ITPR2: variants seen among roughly 807,000 people sequenced by gnomAD.
ITPR2 encodes inositol 1,4,5-trisphosphate receptor type 2.
Under a neutral mutation model 317.1 loss-of-function variants are expected in ITPR2, and 207 were observed. The observed-to-expected ratio is 0.65, with a 90% CI of 0.58 to 0.73. The LOEUF (loss-of-function observed/expected upper bound fraction) is 0.73. ITPR2 is among the 30% of genes least tolerant of loss of function. The probability of loss-of-function intolerance (pLI) is 0.00; values close to 1 mark genes in which losing one functional copy is unlikely to be tolerated. For missense variants in ITPR2, 2,613 were observed against 3,284.0 expected (o/e 0.80, Z 4.99); for synonymous variants, 1,156 against 1,149.1 (o/e 1.01, Z -0.12).
At chr12:26,771,513 T>C (rs1471860858) in intron 2 of ITPR2, among the ~76,000 whole-genome samples, 2 of 152,138 alleles carry the variant, frequency 1.3e-5, no homozygotes, top group Non-Finnish European at 2.9e-5. Context: ...TTATTATTAT[T>C]GTTTTTGTTT....
chr12:26,728,711 T>G (rs968064646), intron 2 of ITPR2, among the ~76,000 whole-genome samples: 1 of 152,214 alleles, frequency 6.6e-6, no homozygotes, highest in Admixed American at 6.5e-5. Flanking sequence ...ATAAAAGTGC[T>G]AATACCTGCC....
chr12:26,579,899 T>A, intron 33 of ITPR2, 128 bp downstream of exon 33: 1 of 629,898 alleles, frequency 1.6e-6, no homozygotes, highest in Non-Finnish European at 2.6e-6. Context: ...AGAGGCATAA[T>A]AGTAAATAAT....
chr12:26,442,207 C>A (rs949614874), intron 46 of ITPR2, among the ~76,000 whole-genome samples: 1 of 152,134 alleles, frequency 6.6e-6, no homozygotes, highest in Admixed American at 6.6e-5. Context: ...AGGAGAAACT[C>A]GTACTCAATC....
At chr12:26,439,475 C>A (rs1259160393) in intron 46 of ITPR2, among the ~76,000 whole-genome samples, 156 bp from the exon 47 acceptor site, 1 of 152,154 alleles carries the variant, frequency 6.6e-6, no homozygotes, top group South Asian at 2.1e-4. Context: ...TTTTACTATA[C>A]TACTTTGTAT....
chr12:26,715,252 T>C lies in ITPR2; in HGVS notation c.855+47A>G, dbSNP rs1173501087. 9 of 1,490,526 alleles carry C rather than the reference T, an allele frequency of 6.0e-6. No homozygotes were observed. In the South Asian group the frequency reaches 1.1e-4, roughly 18 times the overall value. 92.3% of individuals were successfully genotyped at this position (1,490,526 alleles called of 1,614,324 possible). A position where few individuals can be genotyped will look rare whatever the true frequency, so the allele number is the denominator to read the frequency against. ...AAAACAACAAGCCCAGTGAATCTTC[T>C]CTTTTTGATCTAAATATTTATTAAG... On this transcript the variant is annotated intron_variant, in intron 8 of 56. Coordinates refer to ENST00000381340, the MANE Select transcript of ITPR2 (RefSeq NM_002223.4).
At chr12:26,558,377 A>C (rs1000061103) in intron 35 of ITPR2, among the ~76,000 whole-genome samples, 1 of 152,204 alleles carries the variant, frequency 6.6e-6, no homozygotes, top group African/African-American at 2.4e-5. Context: ...TGATACTAAC[A>C]ATCACGTGAG....
intron 55 of ITPR2, among the ~76,000 whole-genome samples, chr12:26,342,497 TGG>T (rs57105007): frequency 0.017 from 63 of 3,760 alleles, 1 homozygote; most frequent in African/African-American, 0.046. Flanking sequence ...GTCACGGCGG[TGG>T]GGGGGGGGGG....
rs770546447 is a variant in ITPR2 at position 26,621,128 on chromosome 12, T to C, written c.3457A>G (p.Ile1153Val). Reference protein sequence around the residue: ...ESQVKGGEEPIEESNILSPVQ... With the variant: ...ESQVKGGEEPVEESNILSPVQ... ...AAATAGATCTTGAAACGAACCTCAA[T>C]TGGCTCTTCACCACCTTTCACTTGA... The change falls in exon 26 of 57, where the codon ATT becomes GTT. Residue 1153 changes from isoleucine to valine, a missense_variant. Coordinates refer to ENST00000381340, the MANE Select transcript of ITPR2 (RefSeq NM_002223.4). The C allele has an allele frequency of 3.7e-6, 6 of 1,612,440 alleles. No homozygotes were observed. The highest frequency in any genetic ancestry group is 2.2e-5 in the East Asian group (1 of 44,822).
At chr12:26,465,078 G>A (rs376123639) in intron 45 of ITPR2, among the ~76,000 whole-genome samples, 3 of 152,334 alleles carry the variant, frequency 2.0e-5, no homozygotes, top group South Asian at 4.1e-4. Context: ...AAAGTCATGT[G>A]ACTAAGTGAC....
chr12:26,445,417 T>C (rs1325736737), intron 45 of ITPR2, among the ~76,000 whole-genome samples: 7 of 152,026 alleles, frequency 4.6e-5, no homozygotes, highest in African/African-American at 1.7e-4. Flanking sequence ...CACCTAAAAG[T>C]GAGCTTAAAC....
At chr12:26,718,752 C>T (rs916867526) in intron 5 of ITPR2, among the ~76,000 whole-genome samples, 4 of 151,814 alleles carry the variant, frequency 2.6e-5, no homozygotes, top group African/African-American at 9.7e-5. Context: ...TGGGATCACA[C>T]GTGTGTGCAC....
intron 2 of ITPR2, among the ~76,000 whole-genome samples, chr12:26,776,595 G>A (rs996987155): frequency 4.6e-5 from 7 of 152,178 alleles, no homozygotes; most frequent in African/African-American, 1.4e-4. Flanking sequence ...GGGATGTATG[G>A]GAGGACCCTG....
intron 9 of ITPR2, among the ~76,000 whole-genome samples, chr12:26,698,468 T>C (rs1379179446): frequency 1.3e-5 from 2 of 152,112 alleles, no homozygotes; most frequent in South Asian, 2.1e-4. Flanking sequence ...AAACACAATG[T>C]ACTGCATGAT....
chr12:26,362,647 C>T (rs1037228453), intron 55 of ITPR2, among the ~76,000 whole-genome samples: 1 of 152,296 alleles, frequency 6.6e-6, no homozygotes, highest in South Asian at 2.1e-4. Flanking sequence ...TAACACCGTC[C>T]TCATAAACTG....
At position 26,665,994 on chromosome 12, in the gene ITPR2, A is replaced by G; in HGVS notation, c.1467T>C (p.Asn489=). The change falls in exon 14 of 57, where the codon AAT becomes AAC. Residue 489 remains asparagine (N), a synonymous_variant. Coordinates refer to ENST00000381340, the MANE Select transcript of ITPR2 (RefSeq NM_002223.4). ...TAACCACATCCAGAACTTCTTGTCC[A>G]TTATTAGGCACATCAGCAACAAAGA... ...LIFFVADVPN[N]GQEVLDVVIT... 1.2e-6 allele frequency: 2 copies of G among 1,613,538 alleles called. No individual in the cohort carries two copies. The highest frequency in any genetic ancestry group is 1.7e-6 in the Non-Finnish European group (2 of 1,179,490).
At chr12:26,395,190 C>T (rs919775487) in intron 54 of ITPR2, among the ~76,000 whole-genome samples, 1 of 151,952 alleles carries the variant, frequency 6.6e-6, no homozygotes. Context: ...GAGTCAAGGG[C>T]AAAATCAAAA....
At position 26,626,207 on chromosome 12, in the gene ITPR2, C is replaced by T. The variant is rs116597301; in HGVS notation, c.3064+1826G>A. On this transcript the variant is annotated intron_variant, in intron 23 of 56. Transcript: ENST00000381340. Reference sequence around the variant, plus strand: ...CTCAAACTCCTGGGCTCAACCAATCCGCCCCCTTCGGCCTCCCAAAGTGTT... The same window carrying T: ...CTCAAACTCCTGGGCTCAACCAATCTGCCCCCTTCGGCCTCCCAAAGTGTT... Among the ~76,000 whole-genome samples, 889 of 152,298 alleles carry T rather than the reference C, an allele frequency of 5.8e-3. 9 individuals are homozygous for T. Among genetic ancestry groups the T allele is most frequent in the African/African-American group, 0.02 (823 of 41,542 alleles).
intron 2 of ITPR2, among the ~76,000 whole-genome samples, chr12:26,759,108 A>G (rs1419645683): frequency 6.6e-6 from 1 of 152,236 alleles, no homozygotes; most frequent in Non-Finnish European, 1.5e-5. Flanking sequence ...TACTTCAGAA[A>G]TAAATGAATG....
At chr12:26,418,983 A>T in intron 50 of ITPR2, 66 bp downstream of exon 50, 3 of 1,312,136 alleles carry the variant, frequency 2.3e-6, no homozygotes, top group African/African-American at 1.5e-5. Flanking sequence ...TCAAAGGAAG[A>T]GGCATAAGAA....
Sources: gnomAD v4.1 joint callset for allele counts (sites outside exome capture counted in the v4.1 genomes callset) on GRCh38, gnomAD v4.1.1 for gene constraint, MANE v1.5 for transcripts, NCBI Gene and HGNC (gene_info 2026-07-23, HGNC 2026-07-21) for gene names.